ADAMTS20: variants seen among roughly 807,000 people sequenced by gnomAD.
ADAMTS20 encodes ADAM metallopeptidase with thrombospondin type 1 motif 20.
Under a neutral mutation model 260.1 loss-of-function variants are expected in ADAMTS20, and 225 were observed. The observed-to-expected ratio is 0.87, with a 90% CI of 0.78 to 0.97. ADAMTS20 has a LOEUF of 0.97. Among genes scored for constraint, ADAMTS20 ranks in the 50% least tolerant of loss-of-function variants. The probability of loss-of-function intolerance (pLI) is 0.00; values close to 1 mark genes in which losing one functional copy is unlikely to be tolerated. For missense variants in ADAMTS20, 2,400 were observed against 2,337.7 expected, an observed-to-expected ratio of 1.03 and a Z score of -0.55; for synonymous variants, 802 against 769.5, an observed-to-expected ratio of 1.04 and a Z score of -0.70.
Position 43,356,500 on chromosome 12 carries a change from C to T in ADAMTS20, c.5627G>A (p.Ser1876Asn), listed in dbSNP as rs747648126. 13 of 1,606,698 alleles carry T rather than the reference C, an allele frequency of 8.1e-6. No homozygotes were observed. Among genetic ancestry groups the T allele is most frequent in the Non-Finnish European group, 9.4e-6 (11 of 1,175,968 alleles). Residue 1876 changes from serine (S) to asparagine (N), a missense_variant, in exon 38 of 39, where the codon AGC becomes AAC. Physicochemically the swap from Ser to Asn is conservative, Grantham distance 46 (BLOSUM62 1). Transcript: ENST00000389420. Reference sequence around the variant, plus strand: ...AGGACTTACCTCTGATCTTCGTATGCTGACAGAGGTATAACTCCCCTGAGT... The same window carrying T: ...AGGACTTACCTCTGATCTTCGTATGTTGACAGAGGTATAACTCCCCTGAGT... ...WLTQGSYTSV[S>N]IRRSEDGTRF...
At chr12:43,462,636 A>T (rs1304950514) in intron 11 of ADAMTS20, among the ~76,000 whole-genome samples, 1 of 152,234 alleles carries the variant, frequency 6.6e-6, no homozygotes, top group African/African-American at 2.4e-5. Context: ...TAATATACAT[A>T]GATAACTATA....
chr12:43,459,809 ATTTTG>A (rs1432709752), intron 11 of ADAMTS20, among the ~76,000 whole-genome samples: 1 of 152,220 alleles, frequency 6.6e-6, no homozygotes, highest in Non-Finnish European at 1.5e-5. Flanking sequence ...GTGCGTGTGC[ATTTTG>A]TTAGCATCTT....
chr12:43,454,271 G>C (rs575288050), intron 11 of ADAMTS20, among the ~76,000 whole-genome samples: 14 of 152,268 alleles, frequency 9.2e-5, no homozygotes, highest in Admixed American at 5.2e-4. Flanking sequence ...CTGGCTTTAA[G>C]ATTTAGAGTG....
intron 37 of ADAMTS20, among the ~76,000 whole-genome samples, chr12:43,365,311 A>C (rs75254484): frequency 6.6e-6 from 1 of 152,180 alleles, no homozygotes. Flanking sequence ...AATCAACTTA[A>C]AAAATCAAGA....
chr12:43,488,101 T>C (rs75017214), intron 7 of ADAMTS20, among the ~76,000 whole-genome samples: 1 of 152,134 alleles, frequency 6.6e-6, no homozygotes, highest in Admixed American at 6.6e-5. Context: ...TGTGTTGTTG[T>C]TTTTAAATCA....
chr12:43,524,455 A>C (rs1393755260), intron 3 of ADAMTS20, among the ~76,000 whole-genome samples: 1 of 152,194 alleles, frequency 6.6e-6, no homozygotes, highest in South Asian at 2.1e-4. Flanking sequence ...ACAAGGCTCT[A>C]TAAAACATGC....
intron 37 of ADAMTS20, among the ~76,000 whole-genome samples, chr12:43,357,684 G>C (rs961523310): frequency 6.6e-6 from 1 of 152,018 alleles, no homozygotes; most frequent in Non-Finnish European, 1.5e-5. Context: ...AACATCACTT[G>C]GTTATGAAAT....
chr12:43,480,267 T>G (rs1942421444), intron 7 of ADAMTS20, among the ~76,000 whole-genome samples: 1 of 152,156 alleles, frequency 6.6e-6, no homozygotes, highest in Non-Finnish European at 1.5e-5. Context: ...ACAGGCCATC[T>G]TCACTCCTGA....
chr12:43,542,282 C>G (rs186165813), intron 2 of ADAMTS20, among the ~76,000 whole-genome samples: 33 of 152,222 alleles, frequency 2.2e-4, no homozygotes, highest in Admixed American at 1.4e-3. Context: ...TCATTAAAAA[C>G]TATTTTGTAG....
chr12:43,480,840 T>G (rs1275151773), intron 7 of ADAMTS20, among the ~76,000 whole-genome samples: 2 of 152,064 alleles, frequency 1.3e-5, no homozygotes, highest in African/African-American at 2.4e-5. Flanking sequence ...ATGGGGAAGT[T>G]CTTAGTCAAA....
At chr12:43,516,320 G>A (rs61316099) in intron 3 of ADAMTS20, among the ~76,000 whole-genome samples, 2,275 of 152,248 alleles carry the variant, frequency 0.015, 51 homozygotes, top group African/African-American at 0.051. Flanking sequence ...AAATAGGGCT[G>A]CTTCTGAATG....
chr12:43,428,986 T>A (rs1824381644), intron 24 of ADAMTS20, among the ~76,000 whole-genome samples, 187 bp from the exon 25 acceptor site: 2 of 152,078 alleles, frequency 1.3e-5, no homozygotes, highest in Admixed American at 1.3e-4. Context: ...TTCCAATCAG[T>A]TTAGATCATA....
At chr12:43,370,000 A>G (rs1940072581) in intron 36 of ADAMTS20, among the ~76,000 whole-genome samples, 1 of 152,188 alleles carries the variant, frequency 6.6e-6, no homozygotes, top group South Asian at 2.1e-4. Flanking sequence ...GCTGGAAGGA[A>G]CACTAAAAGT....
Position 43,493,743 on chromosome 12 carries a change from C to T in ADAMTS20, c.868-490G>A, listed in dbSNP as rs541631469. Among the ~76,000 whole-genome samples, 96 of 152,328 alleles carry T rather than the reference C, an allele frequency of 6.3e-4. 2 individuals carry two copies. The highest frequency in any genetic ancestry group is 2.2e-3 in the African/African-American group (90 of 41,564). On this transcript the variant is annotated intron_variant, in intron 4 of 38. Coordinates refer to ENST00000389420, the MANE Select transcript of ADAMTS20 (RefSeq NM_025003.5). ...ATTCCATAAAAATATGTAAGTTTTA[C>T]CTATTCTTTTCTGATAGTTCACCTA... is the stretch of plus-strand genomic sequence containing the variant.
chr12:43,398,223 C>T (rs1940742284), intron 29 of ADAMTS20, among the ~76,000 whole-genome samples: 1 of 152,136 alleles, frequency 6.6e-6, no homozygotes, highest in African/African-American at 2.4e-5. Context: ...TTCCAGTTAT[C>T]TTTTCTGACT....
intron 31 of ADAMTS20, among the ~76,000 whole-genome samples, chr12:43,379,281 T>G (rs1355423734): frequency 1.3e-5 from 2 of 152,146 alleles, no homozygotes; most frequent in Non-Finnish European, 2.9e-5. Flanking sequence ...TGAATAACAG[T>G]TGGAGCAACA....
chr12:43,491,465 G>A (rs1037883882), intron 6 of ADAMTS20, among the ~76,000 whole-genome samples: 2 of 152,126 alleles, frequency 1.3e-5, no homozygotes, highest in Admixed American at 6.5e-5. Context: ...TTCATTTCAG[G>A]ATTCTAGAAA....
chr12:43,434,468 C>A (rs572506079), intron 18 of ADAMTS20, 97 bp from the exon 19 acceptor site: 1 of 1,295,668 alleles, frequency 7.7e-7, no homozygotes, highest in South Asian at 1.6e-5. Flanking sequence ...AAGGAGCCAG[C>A]TAAGCAAGTA....
At chr12:43,369,551 C>A (rs1269294199) in intron 36 of ADAMTS20, among the ~76,000 whole-genome samples, 170 bp from the exon 37 acceptor site, 1 of 151,992 alleles carries the variant, frequency 6.6e-6, no homozygotes, top group East Asian at 1.9e-4. Context: ...AATAAGCTCT[C>A]ATTGAACAAA....
Sources: gnomAD v4.1 joint callset for allele counts (sites outside exome capture counted in the v4.1 genomes callset) on GRCh38, gnomAD v4.1.1 for gene constraint, MANE v1.5 for transcripts, NCBI Gene and HGNC (gene_info 2026-07-23, HGNC 2026-07-21) for gene names.